Variants in FHIT observed in about 807,000 individuals in gnomAD.
FHIT encodes the protein bis(5'-adenosyl)-triphosphatase.
In FHIT, 19 loss-of-function variants were observed where a neutral mutation model predicts 17.9. The observed-to-expected ratio is 1.06, with a 90% CI of 0.74 to 1.56. The LOEUF (loss-of-function observed/expected upper bound fraction) is 1.56. FHIT is among the 40% of genes most tolerant of loss of function. The pLI, the probability that FHIT is intolerant of heterozygous loss-of-function variation, is 0.00. For missense variants in FHIT, 248 were observed against 189.2 expected, an observed-to-expected ratio of 1.31 and a Z score of -1.82; for synonymous variants, 81 against 69.7, an observed-to-expected ratio of 1.16 and a Z score of -0.81.
At chr3:60,661,154 A>G (rs2040238214) in intron 4 of FHIT, among the ~76,000 whole-genome samples, 1 of 152,070 alleles carries the variant, frequency 6.6e-6, no homozygotes, top group Non-Finnish European at 1.5e-5. Flanking sequence ...TGCACCCAAT[A>G]CCCAAACAGT....
chr3:61,112,543 T>C (rs1256034663), intron 2 of FHIT, among the ~76,000 whole-genome samples: 1 of 152,178 alleles, frequency 6.6e-6, no homozygotes, highest in African/African-American at 2.4e-5. Flanking sequence ...TCTTTTCCTT[T>C]TCAGGGCAAA....
chr3:60,278,132 A>G (rs1386909875), intron 5 of FHIT, among the ~76,000 whole-genome samples: 1 of 152,194 alleles, frequency 6.6e-6, no homozygotes, highest in Non-Finnish European at 1.5e-5. Context: ...CTCAGTGCAG[A>G]CTAGCTTGAG....
At chr3:59,997,358 A>C (rs1699556179) in intron 7 of FHIT, among the ~76,000 whole-genome samples, 1 of 152,176 alleles carries the variant, frequency 6.6e-6, no homozygotes, top group Non-Finnish European at 1.5e-5. Flanking sequence ...AGAGGACCAC[A>C]AGGTAAATAT....
chr3:59,963,348 C>T (rs974105591), intron 7 of FHIT, among the ~76,000 whole-genome samples: 1 of 151,950 alleles, frequency 6.6e-6, no homozygotes, highest in Non-Finnish European at 1.5e-5. Context: ...TAAATTGAGT[C>T]GAAAACTCAT....
rs1553655760 is a variant in FHIT, at chr3:60,029,901, G to GTGTGTGTGTC, written c.104-15750_104-15749insGACACACACA. On this transcript the variant is annotated intron_variant, in intron 5 of 9. Coordinates refer to ENST00000492590, the MANE Select transcript of FHIT (RefSeq NM_002012.4). ...GCATTGTGTGTGTGTGTGTGTCTGT[G>GTGTGTGTGTC]TGTGTGTGTGTGTGTGTGTGTGTGT... 1.3e-3 allele frequency among the ~76,000 whole-genome samples: 193 copies of GTGTGTGTGTC among 143,118 alleles called. 1 individual carries two copies. Among genetic ancestry groups the GTGTGTGTGTC allele is most frequent in the South Asian group, 7.1e-3 (33 of 4,622 alleles). The allele number at this position is 143,118 out of a possible 152,430, so 93.9% of individuals were successfully genotyped here. A position where few individuals can be genotyped will look rare whatever the true frequency, so the allele number is the denominator to read the frequency against.
chr3:60,076,875 A>G (rs1703031037), intron 5 of FHIT, among the ~76,000 whole-genome samples: 2 of 84,528 alleles, frequency 2.4e-5, no homozygotes, highest in South Asian at 6.2e-4. Context: ...AAAGTGAGAC[A>G]CGACTGACTG....
At chr3:60,926,066 G>A (rs1360527263) in intron 3 of FHIT, among the ~76,000 whole-genome samples, 1 of 152,124 alleles carries the variant, frequency 6.6e-6, no homozygotes. Context: ...CAAGTCCTTA[G>A]AGACCTACAA....
intron 5 of FHIT, among the ~76,000 whole-genome samples, chr3:60,228,617 G>C (rs1704333791): frequency 6.6e-6 from 1 of 152,154 alleles, no homozygotes; most frequent in Non-Finnish European, 1.5e-5. Flanking sequence ...TATAAAATGG[G>C]AGAAATGACA....
At chr3:59,908,122 G>A (rs1704671731) in intron 8 of FHIT, among the ~76,000 whole-genome samples, 1 of 152,214 alleles carries the variant, frequency 6.6e-6, no homozygotes, top group African/African-American at 2.4e-5. Context: ...GGTTCTGAAA[G>A]ATTGGTACAT....
intron 5 of FHIT, among the ~76,000 whole-genome samples, chr3:60,421,098 G>A (rs1033764959): frequency 1.3e-5 from 2 of 149,728 alleles, no homozygotes; most frequent in African/African-American, 4.9e-5. Context: ...GAGATGGCTA[G>A]AAAAACTGCT....
At chr3:60,073,601 G>A (rs1008317310) in intron 5 of FHIT, among the ~76,000 whole-genome samples, 2 of 151,970 alleles carry the variant, frequency 1.3e-5, no homozygotes, top group Admixed American at 6.6e-5. Context: ...ACCCCTCATC[G>A]TTTTCAGCCC....
intron 5 of FHIT, among the ~76,000 whole-genome samples, chr3:60,200,229 G>A (rs142974652): frequency 6.6e-6 from 1 of 152,156 alleles, no homozygotes; most frequent in African/African-American, 2.4e-5. Flanking sequence ...ACGTGCTAAT[G>A]AGAGTTCTGT....
At chr3:60,195,198 C>T (rs1039164845) in intron 5 of FHIT, among the ~76,000 whole-genome samples, 2 of 151,630 alleles carry the variant, frequency 1.3e-5, no homozygotes, top group African/African-American at 4.8e-5. Context: ...CAAAAAAAAC[C>T]ACAGTAAGAC....
intron 3 of FHIT, among the ~76,000 whole-genome samples, chr3:60,860,468 A>ACATGATATATATG (rs1229696259): frequency 1.0e-5 from 1 of 97,946 alleles, no homozygotes; most frequent in Admixed American, 9.9e-5. Flanking sequence ...GTACATATAT[A>ACATGATATATATG]TGTATATATG....
chr3:61,227,216 A>G (rs2039992642), intron 1 of FHIT, among the ~76,000 whole-genome samples: 1 of 152,152 alleles, frequency 6.6e-6, no homozygotes, highest in South Asian at 2.1e-4. Context: ...TAGAAGATAT[A>G]ATGGAGTAAA....
chr3:59,903,218 T>C (rs983760534), intron 8 of FHIT, among the ~76,000 whole-genome samples: 4 of 152,184 alleles, frequency 2.6e-5, no homozygotes, highest in Non-Finnish European at 5.9e-5. Context: ...GCCATTTATA[T>C]GAAATGTCCA....
chr3:61,122,617 G>T (rs1289128703), intron 2 of FHIT, among the ~76,000 whole-genome samples: 1 of 152,094 alleles, frequency 6.6e-6, no homozygotes, highest in Non-Finnish European at 1.5e-5. Context: ...CTGACAATGG[G>T]CTAATATCCA....
rs531038131 is a variant in FHIT, at chr3:60,457,642, G to A, written c.103+79218C>T. Among the ~76,000 whole-genome samples, 226 of 152,004 alleles carry A rather than the reference G, an allele frequency of 1.5e-3. 1 individual carries two copies. The highest frequency in any genetic ancestry group is 2.6e-3 in the Non-Finnish European group (179 of 67,980). ...AAGAATCTACCATCAGAGTGAACAG[G>A]CAACCTACAGAATGGGAGAAAATTT... On this transcript the variant is annotated intron_variant, in intron 5 of 9. Coordinates refer to ENST00000492590, the MANE Select transcript of FHIT (RefSeq NM_002012.4).
At chr3:60,960,305 T>A (rs542624338) in intron 3 of FHIT, among the ~76,000 whole-genome samples, 1 of 152,306 alleles carries the variant, frequency 6.6e-6, no homozygotes, top group South Asian at 2.1e-4. Context: ...AAAGAAATCA[T>A]AATCTGACGT....
Sources: gnomAD v4.1 joint callset for allele counts (sites outside exome capture counted in the v4.1 genomes callset) on GRCh38, gnomAD v4.1.1 for gene constraint, MANE v1.5 for transcripts, NCBI Gene and HGNC (gene_info 2026-07-23, HGNC 2026-07-21) for gene names.